Variants in AKT3 observed in about 807,000 individuals in gnomAD.
AKT3 encodes RAC-gamma serine/threonine-protein kinase.
A neutral mutation model predicts 65.3 loss-of-function variants in AKT3; 15 were observed. The ratio of observed to expected loss-of-function variants is 0.23; its 90% CI spans 0.15 to 0.35. The LOEUF is 0.35. Ranked by LOEUF, AKT3 falls within the 10% of genes least tolerant of loss-of-function variation. The pLI is 1.00. For synonymous variants in AKT3, 206 were observed against 183.8 expected (o/e 1.12, Z -0.98); for missense variants, 243 against 576.5 (o/e 0.42, Z 5.92).
At chr1:243,617,289 T>C (rs966036602) in intron 6 of AKT3, among the ~76,000 whole-genome samples, 2 of 152,044 alleles carry the variant, frequency 1.3e-5, no homozygotes, top group African/African-American at 2.4e-5. Context: ...TGGTGATCAG[T>C]GTTAATGGGA....
At chr1:243,792,987 GAAAC>G (rs1691724223) in intron 2 of AKT3, among the ~76,000 whole-genome samples, 1 of 152,174 alleles carries the variant, frequency 6.6e-6, no homozygotes, top group African/African-American at 2.4e-5. Flanking sequence ...TGTCAGAACA[GAAAC>G]AAACTTCTAG....
At chr1:243,801,101 T>G (rs1233709788) in intron 2 of AKT3, among the ~76,000 whole-genome samples, 2 of 152,178 alleles carry the variant, frequency 1.3e-5, no homozygotes, top group Admixed American at 6.5e-5. Flanking sequence ...TAGTCTTATT[T>G]TGCAGCTACA....
chr1:243,742,238 A>C (rs1265336513), intron 2 of AKT3, among the ~76,000 whole-genome samples: 1 of 152,142 alleles, frequency 6.6e-6, no homozygotes, highest in African/African-American at 2.4e-5. Context: ...TCTGATAGTT[A>C]CCACCTTTCT....
At chr1:243,511,691 A>G (rs1056232782) in intron 13 of AKT3, among the ~76,000 whole-genome samples, 2 of 152,208 alleles carry the variant, frequency 1.3e-5, no homozygotes, top group Non-Finnish European at 2.9e-5. Flanking sequence ...ATTATGTCTG[A>G]TCACCTTTTC....
At chr1:243,640,946 A>G (rs549013068) in intron 5 of AKT3, among the ~76,000 whole-genome samples, 1 of 152,214 alleles carries the variant, frequency 6.6e-6, no homozygotes, top group Non-Finnish European at 1.5e-5. Flanking sequence ...GCCAAAGGAG[A>G]TTAATATTTG....
At chr1:243,778,186 C>A (rs566657793) in intron 2 of AKT3, among the ~76,000 whole-genome samples, 1 of 152,126 alleles carries the variant, frequency 6.6e-6, no homozygotes, top group South Asian at 2.1e-4. Context: ...AAAAAGACAT[C>A]AAATAACATA....
chr1:243,768,011 A>C (rs904464843), intron 2 of AKT3, among the ~76,000 whole-genome samples: 24 of 151,946 alleles, frequency 1.6e-4, no homozygotes, highest in African/African-American at 5.8e-4. Flanking sequence ...GAAAAAAATA[A>C]AGCATAAACA....
At chr1:243,614,617 G>GT (rs1412781118) in intron 7 of AKT3, among the ~76,000 whole-genome samples, 1 of 152,010 alleles carries the variant, frequency 6.6e-6, no homozygotes, top group Non-Finnish European at 1.5e-5. Context: ...ATTTCTTAAA[G>GT]TACTCTATCC....
chr1:243,560,485 C>G (rs934907393), intron 10 of AKT3, among the ~76,000 whole-genome samples: 5 of 151,970 alleles, frequency 3.3e-5, no homozygotes, highest in African/African-American at 1.2e-4. Flanking sequence ...ATAAAAGTTA[C>G]AATTTCGTAA....
At chr1:243,592,375 C>A (rs1434494401) in intron 8 of AKT3, among the ~76,000 whole-genome samples, 1 of 150,594 alleles carries the variant, frequency 6.6e-6, no homozygotes, top group African/African-American at 2.4e-5. Flanking sequence ...AAACAAAAAA[C>A]CCTAAGCCAA....
intron 3 of AKT3, 71 bp from the exon 4 acceptor site, chr1:243,664,954 C>A: frequency 1.2e-6 from 1 of 833,720 alleles, no homozygotes; most frequent in South Asian, 2.2e-5. Flanking sequence ...TTGAGAACTA[C>A]AGAGTTCTAT....
At chr1:243,512,471 A>C (rs752360443) in intron 12 of AKT3, 45 bp from the exon 13 acceptor site, 1 of 1,215,224 alleles carries the variant, frequency 8.2e-7, no homozygotes, top group Non-Finnish European at 1.2e-6. Context: ...ATTTCAATTC[A>C]GGAAAATTCC....
At chr1:243,839,224 A>G (rs1695083121) in intron 2 of AKT3, among the ~76,000 whole-genome samples, 1 of 152,200 alleles carries the variant, frequency 6.6e-6, no homozygotes, top group African/African-American at 2.4e-5. Flanking sequence ...TTAATACACT[A>G]AGTACCTTCA....
chr1:243,659,830 C>T (rs1267835845), intron 4 of AKT3, among the ~76,000 whole-genome samples: 1 of 152,140 alleles, frequency 6.6e-6, no homozygotes, highest in Non-Finnish European at 1.5e-5. Flanking sequence ...TCACACTAAC[C>T]CTCTCTAAGT....
At chr1:243,637,963 A>T (rs1298136856) in intron 5 of AKT3, among the ~76,000 whole-genome samples, 1 of 152,170 alleles carries the variant, frequency 6.6e-6, no homozygotes, top group Non-Finnish European at 1.5e-5. Context: ...AATGATTTTG[A>T]ACCTAGAATT....
At chr1:243,642,576 TG>T (rs1218119404) in intron 5 of AKT3, among the ~76,000 whole-genome samples, 56 of 152,340 alleles carry the variant, frequency 3.7e-4, no homozygotes, top group Middle Eastern at 6.8e-3. Context: ...CCCAAAGTGC[TG>T]GGATTACAGG....
At position 243,731,402 on chromosome 1, in the gene AKT3, T is replaced by G. The variant is rs546114677; in HGVS notation, c.47-35686A>C. Among the ~76,000 whole-genome samples the G allele has an allele frequency of 2.0e-5, 3 of 152,230 alleles. No individual in the cohort carries two copies. The South Asian group carries it at 6.2e-4, about 32-fold the overall frequency. ...AGAACTAAGGGGCAAGAAGAGGTAA[T>G]GGGCAAGCTCTGAGTCACTCTTACT... On this transcript the variant is annotated intron_variant, in intron 2 of 13. Coordinates refer to ENST00000673466, the MANE Select transcript of AKT3 (RefSeq NM_005465.7).
chr1:243,733,224 A>G (rs1004001898), intron 2 of AKT3, among the ~76,000 whole-genome samples: 1 of 152,184 alleles, frequency 6.6e-6, no homozygotes, highest in African/African-American at 2.4e-5. Context: ...CAAAAATACT[A>G]AAGGCAAAAT....
chr1:243,693,242 T>TTATATATATA (rs747780262), intron 3 of AKT3, among the ~76,000 whole-genome samples: 728 of 59,946 alleles, frequency 0.012, 246 homozygotes, highest in Non-Finnish European at 0.016. Flanking sequence ...AGCTACAATT[T>TTATATATATA]GATATATATA....
Sources: allele counts gnomAD v4.1 joint callset (sites outside exome capture counted in the v4.1 genomes callset), GRCh38; gene constraint gnomAD v4.1.1; transcripts MANE v1.5; gene names NCBI Gene and HGNC (gene_info 2026-07-23, HGNC 2026-07-21).